The following SND1 variants were observed in gnomAD, a reference collection of about 807,000 sequenced individuals.
SND1 encodes the protein staphylococcal nuclease domain-containing protein 1.
Under a neutral mutation model 121.7 loss-of-function variants are expected in SND1, and 38 were observed. The ratio of observed to expected loss-of-function variants is 0.31; its 90% CI spans 0.24 to 0.41. The LOEUF (loss-of-function observed/expected upper bound fraction) is 0.41, where lower values mean the gene tolerates loss of function less well. SND1 is among the 10% of genes least tolerant of loss of function. The pLI is 1.00. For missense variants in SND1, 868 were observed against 1,184.6 expected, an observed-to-expected ratio of 0.73 and a Z score of 3.92; for synonymous variants, 401 against 447.4, an observed-to-expected ratio of 0.90 and a Z score of 1.31.
chr7:127,870,401 A>G (rs1406382122), intron 12 of SND1, among the ~76,000 whole-genome samples: 1 of 152,138 alleles, frequency 6.6e-6, no homozygotes, highest in Non-Finnish European at 1.5e-5. Context: ...TTACTTAACA[A>G]TTGGGATACC....
chr7:127,884,167 A>AT (rs200636391), intron 12 of SND1, among the ~76,000 whole-genome samples: 40 of 150,882 alleles, frequency 2.7e-4, no homozygotes, highest in East Asian at 1.2e-3. Flanking sequence ...CATGTCTCCT[A>AT]TTTTTTTTTG....
At chr7:127,653,878 A>G (rs1451644142) in intron 1 of SND1, among the ~76,000 whole-genome samples, 1 of 152,218 alleles carries the variant, frequency 6.6e-6, no homozygotes, top group East Asian at 1.9e-4. Flanking sequence ...GAGAATTTCC[A>G]AGATCCGCAT....
intron 15 of SND1, among the ~76,000 whole-genome samples, chr7:127,979,521 ACAGGTGACTCTGGATGAATAAGAACAGAG>A (rs2116899021): frequency 6.6e-6 from 1 of 152,308 alleles, no homozygotes; most frequent in Admixed American, 6.5e-5. Context: ...CAGTTACAGA[ACAGGTGACTCTGGATGAATAAGAACAGAG>A]CAGGTGACCA....
intron 11 of SND1, among the ~76,000 whole-genome samples, chr7:127,830,148 C>T (rs1055366725): frequency 3.3e-5 from 5 of 151,834 alleles, no homozygotes; most frequent in African/African-American, 7.3e-5. Context: ...TCTGGGAGGC[C>T]GAGGTGGGTG....
At chr7:127,705,583 AGATG>A (rs1796175987) in intron 8 of SND1, among the ~76,000 whole-genome samples, 1 of 1,280 alleles carries the variant, frequency 7.8e-4, no homozygotes, top group African/African-American at 1.1e-3. Context: ...ATGTAGATGC[AGATG>A]TAGATGTAGA....
chr7:127,732,175 G>A (rs184770645), intron 10 of SND1, among the ~76,000 whole-genome samples: 28 of 152,304 alleles, frequency 1.8e-4, no homozygotes, highest in East Asian at 7.7e-4. Flanking sequence ...TTGCTTTTGC[G>A]TTTTGACTTG....
Position 127,908,578 on chromosome 7 carries a change from C to T in SND1, c.1527+3759C>T, listed in dbSNP as rs76603080. Among the ~76,000 whole-genome samples the T allele has an allele frequency of 6.7e-4, 102 of 152,212 alleles. No homozygotes were observed. The East Asian group carries it at 0.016, about 24-fold the overall frequency. ...TAGTTTCCTTTCAAGCCAGGGTGTT[C>T]CAGAGTGTGTAGAACCAGCTGAGAA... is the stretch of plus-strand genomic sequence containing the variant. On this transcript the variant is annotated intron_variant, in intron 14 of 23. Coordinates refer to ENST00000354725, the MANE Select transcript of SND1 (RefSeq NM_014390.4).
At chr7:127,916,138 A>G (rs1800574675) in intron 14 of SND1, among the ~76,000 whole-genome samples, 1 of 152,032 alleles carries the variant, frequency 6.6e-6, no homozygotes, top group African/African-American at 2.4e-5. Context: ...ATTTGGAGAT[A>G]GACTTGAAAC....
At chr7:127,764,056 A>AAAAAAAAAAAC (rs1554422863) in intron 10 of SND1, among the ~76,000 whole-genome samples, 7 of 135,218 alleles carry the variant, frequency 5.2e-5, no homozygotes, top group Non-Finnish European at 8.1e-5. Flanking sequence ...AAAAAAACAA[A>AAAAAAAAAAAC]AAAACAAAAA....
At chr7:128,073,559 C>T (rs549507410) in intron 16 of SND1, among the ~76,000 whole-genome samples, 2 of 152,190 alleles carry the variant, frequency 1.3e-5, no homozygotes, top group South Asian at 2.1e-4. Flanking sequence ...GCTCCAGCTC[C>T]GACCTCGAGA....
chr7:127,985,866 GATGCAGTAGTGAGAACACAGCGGGC>G (rs1403434403), intron 15 of SND1, among the ~76,000 whole-genome samples: 1 of 152,230 alleles, frequency 6.6e-6, no homozygotes, highest in Non-Finnish European at 1.5e-5. Flanking sequence ...TGTGATGTCT[GATGCAGTAGTGAGAACACAGCGGGC>G]ATGCAGTAGA....
intron 11 of SND1, among the ~76,000 whole-genome samples, chr7:127,836,882 C>T (rs1392691057): frequency 3.3e-5 from 5 of 151,946 alleles, no homozygotes; most frequent in Admixed American, 6.6e-5. Flanking sequence ...TGAAAAATAC[C>T]TTCACCAAAC....
chr7:127,823,452 A>G (rs930113426), intron 11 of SND1, among the ~76,000 whole-genome samples: 2 of 152,168 alleles, frequency 1.3e-5, no homozygotes, highest in Non-Finnish European at 2.9e-5. Context: ...TAAGGTTCCC[A>G]TGGGAATTGG....
At chr7:128,044,598 A>G (rs1792913200) in intron 16 of SND1, among the ~76,000 whole-genome samples, 1 of 150,960 alleles carries the variant, frequency 6.6e-6, no homozygotes, top group South Asian at 2.1e-4. Context: ...ATAAAAAAGG[A>G]GCTCATCTTC....
At chr7:127,830,953 T>C (rs1798728234) in intron 11 of SND1, among the ~76,000 whole-genome samples, 1 of 152,228 alleles carries the variant, frequency 6.6e-6, no homozygotes, top group African/African-American at 2.4e-5. Flanking sequence ...TGAACCCTAT[T>C]TTTCCATATT....
At chr7:127,718,198 T>C (rs954078209) in intron 9 of SND1, among the ~76,000 whole-genome samples, 1 of 152,072 alleles carries the variant, frequency 6.6e-6, no homozygotes, top group Admixed American at 6.5e-5. Flanking sequence ...GTTGGCTTGA[T>C]TAGAGATCTG....
chr7:128,081,775 A>C (rs1793606514), intron 18 of SND1: 1 of 622,266 alleles, frequency 1.6e-6, no homozygotes, highest in African/African-American at 1.8e-5. Context: ...TGAGATAACC[A>C]GGTTTATCTG....
intron 1 of SND1, among the ~76,000 whole-genome samples, chr7:127,681,723 A>G (rs572382296): frequency 1.3e-5 from 2 of 152,264 alleles, no homozygotes; most frequent in Admixed American, 1.3e-4. Flanking sequence ...GTCCCAACAC[A>G]TTTTTGTTGA....
rs575105987 is a variant in SND1 at position 127,978,015 on chromosome 7, G to A, written c.1670-12932G>A. ...TGAGGTCTTGGCAGGACATCCAAGG[G>A]GAGACGTGGGCAGTTGTTAGATGTT... On this transcript the variant is annotated intron_variant, in intron 15 of 23. Transcript: ENST00000354725. Among the ~76,000 whole-genome samples the A allele has an allele frequency of 1.1e-4, 17 of 152,278 alleles. 1 individual carries two copies. The South Asian group carries it at 2.3e-3, about 20-fold the overall frequency.
Sources: allele counts gnomAD v4.1 joint callset (sites outside exome capture counted in the v4.1 genomes callset), GRCh38; gene constraint gnomAD v4.1.1; transcripts MANE v1.5; gene names NCBI Gene and HGNC (gene_info 2026-07-23, HGNC 2026-07-21).